Variants in KLRG1 observed in about 807,000 individuals in gnomAD.
KLRG1 encodes killer cell lectin-like receptor subfamily G member 1.
KLRG1 carries 16 observed loss-of-function variants against 21.8 expected under a neutral mutation model. That is an observed-to-expected ratio of 0.73 (90% CI 0.50 to 1.11). The LOEUF (loss-of-function observed/expected upper bound fraction) is 1.11. KLRG1 is among the 50% of genes most tolerant of loss of function. The pLI, the probability that KLRG1 is intolerant of heterozygous loss-of-function variation, is 0.00. For missense variants in KLRG1, 173 were observed against 218.3 expected (o/e 0.79, Z 1.31); for synonymous variants, 69 against 75.9 (o/e 0.91, Z 0.47).
intron 1 of KLRG1, among the ~76,000 whole-genome samples, chr12:8,977,911 T>G (rs1364041497): frequency 6.6e-6 from 1 of 152,060 alleles, no homozygotes; most frequent in Non-Finnish European, 1.5e-5. Context: ...CAGGCTGGAG[T>G]GCAGTAGCCC....
chr12:9,125,653 G>A, the KLRG1 span, among the ~76,000 whole-genome samples: 1 of 152,114 alleles, frequency 6.6e-6, no homozygotes, highest in African/African-American at 2.4e-5. Context: ...CCTCTCCATG[G>A]ACTCTTTCCA....
intron 1 of KLRG1, among the ~76,000 whole-genome samples, chr12:8,968,195 G>A (rs117621957): frequency 6.4e-4 from 97 of 151,740 alleles, no homozygotes; most frequent in East Asian, 1.4e-3. Context: ...AAAACGGGTC[G>A]TCAGATTAGA....
chr12:9,097,629 A>ATTTTTTTT, the KLRG1 span, among the ~76,000 whole-genome samples: 1 of 122,752 alleles, frequency 8.1e-6, no homozygotes, highest in African/African-American at 3.2e-5. Flanking sequence ...AACTGATGTA[A>ATTTTTTTT]TTCTTTTTTT....
chr12:9,072,345 T>A, the KLRG1 span: 1 of 1,613,140 alleles, frequency 6.2e-7, no homozygotes, highest in Non-Finnish European at 8.5e-7. Context: ...GGTGATAGAG[T>A]CAGAAGGTCT....
the KLRG1 span, chr12:9,076,913 C>A: frequency 1.2e-6 from 2 of 1,603,606 alleles, no homozygotes; most frequent in South Asian, 2.2e-5. Flanking sequence ...CCAGGCAAAA[C>A]AGGGCATTGC....
chr12:9,077,061 A>T, the KLRG1 span: 1 of 778,968 alleles, frequency 1.3e-6, no homozygotes, highest in Non-Finnish European at 2.0e-6. Flanking sequence ...CCTCATTCTT[A>T]TCAATAGATA....
chr12:9,147,476 G>A, the KLRG1 span, among the ~76,000 whole-genome samples: 4 of 152,112 alleles, frequency 2.6e-5, no homozygotes, highest in Admixed American at 6.6e-5. Flanking sequence ...CTCATAAGCC[G>A]TAGCATGTCC....
At chr12:9,028,141 G>A in the KLRG1 span, 194 of 628,610 alleles carry the variant, frequency 3.1e-4, no homozygotes, top group African/African-American at 3.2e-3. Flanking sequence ...CAGTGTCGTC[G>A]TCTTCTTCTT....
At chr12:9,083,948 C>G in the KLRG1 span, among the ~76,000 whole-genome samples, 2 of 152,042 alleles carry the variant, frequency 1.3e-5, no homozygotes, top group African/African-American at 2.4e-5. Flanking sequence ...AGAAACATAT[C>G]ACATACAAAG....
the KLRG1 span, among the ~76,000 whole-genome samples, chr12:9,093,748 A>G: frequency 6.8e-4 from 104 of 152,134 alleles, no homozygotes; most frequent in East Asian, 9.7e-4. Context: ...TTGAGGAGGA[A>G]ATATGTTGGT....
chr12:9,195,392 C>T, the KLRG1 span, among the ~76,000 whole-genome samples: 3 of 151,794 alleles, frequency 2.0e-5, no homozygotes, highest in Admixed American at 6.6e-5. Context: ...TCCCCTTCCC[C>T]TGGCCCTTCC....
At chr12:9,062,457 T>C in the KLRG1 span, among the ~76,000 whole-genome samples, 2 of 143,378 alleles carry the variant, frequency 1.4e-5, no homozygotes, top group South Asian at 4.5e-4. Flanking sequence ...CCTGACACAA[T>C]AGATGGATAA....
chr12:9,070,608 G>GTT, the KLRG1 span: 1 of 1,478,056 alleles, frequency 6.8e-7, no homozygotes, highest in African/African-American at 1.4e-5. Flanking sequence ...AAGGATTAGG[G>GTT]TTTTCTGTGT....
chr12:9,069,874 A>AG, the KLRG1 span: 6 of 1,502,800 alleles, frequency 4.0e-6, no homozygotes, highest in Non-Finnish European at 5.5e-6. Context: ...GGGGATCCAG[A>AG]GAAAAAATCT....
the KLRG1 span, among the ~76,000 whole-genome samples, chr12:9,177,032 G>A: frequency 6.6e-6 from 1 of 152,180 alleles, no homozygotes; most frequent in African/African-American, 2.4e-5. Context: ...AATTGCTGGG[G>A]ATCAGAGGTC....
chr12:9,094,365 ATATATATATACC>A, the KLRG1 span, among the ~76,000 whole-genome samples: 2 of 145,594 alleles, frequency 1.4e-5, no homozygotes, highest in Non-Finnish European at 3.0e-5. Context: ...ATATATATAT[ATATATATATACC>A]TATACATGCA....
the KLRG1 span, among the ~76,000 whole-genome samples, chr12:9,145,321 C>T: frequency 1.3e-5 from 2 of 152,006 alleles, no homozygotes; most frequent in Admixed American, 1.3e-4. Flanking sequence ...TTTTAAATCT[C>T]TGTCTTTTGT....
the KLRG1 span, among the ~76,000 whole-genome samples, chr12:9,059,537 G>T: frequency 6.6e-6 from 1 of 152,054 alleles, no homozygotes; most frequent in East Asian, 1.9e-4. Flanking sequence ...TATCAACTTG[G>T]ATACATCCAA....
chr12:9,058,766 T>G, the KLRG1 span: 3 of 148,082 alleles, frequency 2.0e-5, no homozygotes, highest in Non-Finnish European at 3.0e-5. Flanking sequence ...CTAGAAGGAC[T>G]GTTCACCTGG....
Sources: allele counts gnomAD v4.1 joint callset (sites outside exome capture counted in the v4.1 genomes callset), GRCh38; gene constraint gnomAD v4.1.1; transcripts MANE v1.5; gene names NCBI Gene and HGNC (gene_info 2026-07-23, HGNC 2026-07-21).